Variants in GON4L observed in about 807,000 individuals in gnomAD.
GON4L encodes the protein GON-4-like protein.
In GON4L, 87 loss-of-function variants were observed where a neutral mutation model predicts 211.8. That is an observed-to-expected ratio of 0.41 (90% CI 0.35 to 0.49). The LOEUF is 0.49. GON4L is among the 20% of genes least tolerant of loss of function. The pLI is 0.15. For synonymous variants in GON4L, 875 were observed against 962.6 expected, an observed-to-expected ratio of 0.91 and a Z score of 1.68; for missense variants, 2,155 against 2,659.5, an observed-to-expected ratio of 0.81 and a Z score of 4.17.
intron 12 of GON4L, among the ~76,000 whole-genome samples, chr1:155,792,858 G>A (rs1220620406): frequency 6.6e-6 from 1 of 152,172 alleles, no homozygotes; most frequent in Non-Finnish European, 1.5e-5. Flanking sequence ...CTGGGCTCAA[G>A]TGATCCTCCC....
rs750925506 is a variant in GON4L at position 155,854,445 on chromosome 1, G to A, written c.-26-639C>T. ...GCTGGGATTACAGGCGTGAGCCACC[G>A]CGTCCAGCAAACATTGTTATTATTA... On this transcript the variant is annotated intron_variant, in intron 1 of 31. Coordinates refer to ENST00000368331, the MANE Select transcript of GON4L (RefSeq NM_001282860.2). Among the ~76,000 whole-genome samples the A allele has an allele frequency of 5.1e-4, 77 of 151,968 alleles. 1 individual carries two copies. Among genetic ancestry groups the A allele is most frequent in the Non-Finnish European group, 6.3e-4 (43 of 67,998 alleles).
intron 22 of GON4L, 86 bp downstream of exon 22, chr1:155,763,226 T>C (rs948515074): frequency 1.5e-6 from 2 of 1,320,584 alleles, no homozygotes; most frequent in Non-Finnish European, 2.1e-6. Context: ...CTCCACCTGG[T>C]TTATAAGCTA....
At chr1:155,784,121 G>T in intron 13 of GON4L, 32 bp from the exon 14 acceptor site, 1 of 1,611,382 alleles carries the variant, frequency 6.2e-7, no homozygotes, top group Non-Finnish European at 8.5e-7. Context: ...GGTTTTCCTG[G>T]GGAATGGGCC....
intron 8 of GON4L, among the ~76,000 whole-genome samples, chr1:155,815,273 A>G (rs1258715937): frequency 6.6e-6 from 1 of 152,242 alleles, no homozygotes; most frequent in Non-Finnish European, 1.5e-5. Flanking sequence ...AGTATAGCTA[A>G]AACCAATAGT....
intron 10 of GON4L, among the ~76,000 whole-genome samples, chr1:155,810,228 G>A (rs185580107): frequency 2.6e-5 from 4 of 150,966 alleles, no homozygotes; most frequent in African/African-American, 7.3e-5. Flanking sequence ...ACCTGACCTC[G>A]GGTGATCCAC....
intron 27 of GON4L, among the ~76,000 whole-genome samples, chr1:155,755,716 T>C (rs1661101966): frequency 6.6e-6 from 1 of 152,152 alleles, no homozygotes; most frequent in South Asian, 2.1e-4. Flanking sequence ...TGAGATATAA[T>C]GTCTTTGTTT....
At chr1:155,859,036 C>T (rs1224811232), upstream of GON4L, among the ~76,000 whole-genome samples, 1 of 151,954 alleles carries the variant, frequency 6.6e-6, no homozygotes, top group Non-Finnish European at 1.5e-5. Context: ...GTGCAACCAT[C>T]CCCAGGTTTG....
At position 155,814,424 on chromosome 1, in the gene GON4L, C is replaced by A; in HGVS notation, c.1187G>T (p.Ser396Ile). 1.2e-6 allele frequency: 2 copies of A among 1,613,630 alleles called. No individual in the cohort carries two copies. Among genetic ancestry groups the A allele is most frequent in the Non-Finnish European group, 1.7e-6 (2 of 1,179,580 alleles). Residue 396 changes from serine to isoleucine, a missense_variant, in exon 9 of 32, where the codon AGC becomes ATC. Transcript: ENST00000368331. Reference sequence around the variant, plus strand: ...TGCCCCACGTGGAGATGAAGCAGTGCTTTCAACATCACTTTCCAATAAGCT... The same window carrying A: ...TGCCCCACGTGGAGATGAAGCAGTGATTTCAACATCACTTTCCAATAAGCT... ...EESLLESDVE[S>I]TASSPRGAKK... is the part of the protein sequence containing the mutation.
chr1:155,813,841 A>G, intron 9 of GON4L, 37 bp from the exon 10 acceptor site: 1 of 1,583,270 alleles, frequency 6.3e-7, no homozygotes, highest in East Asian at 2.2e-5. Context: ...AAAAGGAAGG[A>G]GGTAAGAAAG....
chr1:155,748,734 C>A (rs1247745425), downstream of GON4L: 21 of 1,614,028 alleles, frequency 1.3e-5, no homozygotes, highest in Non-Finnish European at 1.8e-5. Context: ...TTCTGGAACA[C>A]GTTGCTTTGC....
intron 2 of GON4L, among the ~76,000 whole-genome samples, chr1:155,848,070 G>C (rs1671423992): frequency 6.6e-6 from 1 of 150,466 alleles, no homozygotes; most frequent in Admixed American, 6.6e-5. Flanking sequence ...CCCTTATTTA[G>C]TATATAATCA....
In GON4L at chr1:155,753,308, C is replaced by A; in HGVS notation, c.5738G>T (p.Gly1913Val). 1 of 1,613,726 alleles carries A rather than the reference C, an allele frequency of 6.2e-7. No individual in the cohort carries two copies. The highest frequency in any genetic ancestry group is 8.5e-7 in the Non-Finnish European group (1 of 1,179,782). Residue 1913 changes from glycine (G) to valine (V), a missense_variant, in exon 29 of 32, where the codon GGC becomes GTC. Gly to Val is a moderately radical substitution (Grantham distance 109). Coordinates refer to ENST00000368331, the MANE Select transcript of GON4L (RefSeq NM_001282860.2). ...GGCTTCCTCTTCCATCATATCCTTGCCCTGCCCAGCTTCCTTAGCACCAGG... is the reference window on the plus strand; with the variant it reads ...GGCTTCCTCTTCCATCATATCCTTGACCTGCCCAGCTTCCTTAGCACCAGG... ...PMPGAKEAGQ[G>V]KDMMEEEAPE...
chr1:155,824,778 A>G (rs199602025), intron 3 of GON4L, among the ~76,000 whole-genome samples: 52 of 149,676 alleles, frequency 3.5e-4, no homozygotes, highest in Middle Eastern at 7.4e-3. Context: ...AAAAAAAAAA[A>G]AAGAAGAAGA....
chr1:155,784,348 T>A lies in GON4L; in HGVS notation c.1789-259A>T, dbSNP rs1557859465. 2.4e-5 allele frequency: 5 copies of A among 209,776 alleles called. No homozygotes were observed. The East Asian group carries it at 4.5e-4, about 19-fold the overall frequency. 13.0% of individuals were successfully genotyped at this position (209,776 alleles called of 1,614,324 possible). On this transcript the variant is annotated intron_variant, in intron 13 of 31. Coordinates refer to ENST00000368331, the MANE Select transcript of GON4L (RefSeq NM_001282860.2). Reference sequence around the variant, plus strand: ...AGCGTGGATAACTCAAAATTATCAATCTCTCTCTCCTTTTTTTTTTTTTTT... The same window carrying A: ...AGCGTGGATAACTCAAAATTATCAAACTCTCTCTCCTTTTTTTTTTTTTTT...
At chr1:155,795,780 G>A (rs1666008503) in intron 11 of GON4L, among the ~76,000 whole-genome samples, 1 of 152,030 alleles carries the variant, frequency 6.6e-6, no homozygotes. Context: ...GCTGGGATTA[G>A]GCACATGCCA....
chr1:155,788,529 C>T (rs1665185418), intron 12 of GON4L, among the ~76,000 whole-genome samples: 1 of 152,078 alleles, frequency 6.6e-6, no homozygotes. Context: ...AGCATTTCCA[C>T]AAAGACTTGC....
intron 10 of GON4L, among the ~76,000 whole-genome samples, chr1:155,807,969 TC>T (rs1164748725): frequency 6.6e-6 from 1 of 152,002 alleles, no homozygotes; most frequent in African/African-American, 2.4e-5. Flanking sequence ...CTAGTCCATT[TC>T]CCACACGTTA....
At chr1:155,849,014 G>A (rs1027253440) in intron 2 of GON4L, among the ~76,000 whole-genome samples, 1 of 151,900 alleles carries the variant, frequency 6.6e-6, no homozygotes, top group Admixed American at 6.6e-5. Flanking sequence ...TAGGCCTGGT[G>A]ATGCACACCT....
rs906623945 is a variant in GON4L, at chr1:155,836,342, G to A, written c.506-9314C>T. Among the ~76,000 whole-genome samples, 28 of 150,442 alleles carry A rather than the reference G, an allele frequency of 1.9e-4. 1 individual carries two copies. The highest frequency in any genetic ancestry group is 6.3e-3 in the Middle Eastern group (2 of 316). On this transcript the variant is annotated intron_variant, in intron 2 of 31. Transcript: ENST00000368331. Reference sequence around the variant, plus strand: ...TCGGCTCACTGCAACCTCGCCTCCCGGGTTCAAGCGATTCTCCTGCTTTCA... The same window carrying A: ...TCGGCTCACTGCAACCTCGCCTCCCAGGTTCAAGCGATTCTCCTGCTTTCA...
Sources: allele counts gnomAD v4.1 joint callset (sites outside exome capture counted in the v4.1 genomes callset), GRCh38; gene constraint gnomAD v4.1.1; transcripts MANE v1.5; gene names NCBI Gene and HGNC (gene_info 2026-07-23, HGNC 2026-07-21).